KIAA1217: variants seen among roughly 807,000 people sequenced by gnomAD.
KIAA1217 encodes sickle tail protein homolog.
Under a neutral mutation model 163.9 loss-of-function variants are expected in KIAA1217, and 88 were observed. The ratio of observed to expected loss-of-function variants is 0.54; its 90% CI spans 0.45 to 0.64. The LOEUF (loss-of-function observed/expected upper bound fraction) is 0.64. Among genes scored for constraint, KIAA1217 ranks in the 30% least tolerant of loss-of-function variants. The pLI, the probability that KIAA1217 is intolerant of heterozygous loss-of-function variation, is 0.00. For missense variants in KIAA1217, 2,372 were observed against 2,475.0 expected, an observed-to-expected ratio of 0.96 and a Z score of 0.88; for synonymous variants, 903 against 923.1, an observed-to-expected ratio of 0.98 and a Z score of 0.39.
intron 2 of KIAA1217, among the ~76,000 whole-genome samples, chr10:24,294,070 T>G (rs2079409128): frequency 6.6e-6 from 1 of 151,030 alleles, no homozygotes; most frequent in African/African-American, 2.4e-5. Flanking sequence ...CAGGCGCCTG[T>G]AGTCCCAGCT....
At chr10:24,348,338 A>AAAAATGAAAT (rs112969361) in intron 2 of KIAA1217, among the ~76,000 whole-genome samples, 148 of 151,272 alleles carry the variant, frequency 9.8e-4, no homozygotes, top group African/African-American at 3.5e-3. Context: ...ACCCTGTCAC[A>AAAAATGAAAT]AAAATAAAAT....
At chr10:23,827,170 A>C (rs1013979295) in intron 1 of KIAA1217, among the ~76,000 whole-genome samples, 1 of 152,210 alleles carries the variant, frequency 6.6e-6, no homozygotes, top group Non-Finnish European at 1.5e-5. Flanking sequence ...GCTTTGAAAC[A>C]TCCTGCCACA....
At chr10:23,897,447 G>A (rs1388134220) in intron 1 of KIAA1217, among the ~76,000 whole-genome samples, 2 of 151,994 alleles carry the variant, frequency 1.3e-5, no homozygotes, top group South Asian at 2.1e-4. Context: ...GGCTTTGTTG[G>A]TGTTCACTGG....
At chr10:24,272,449 G>A (rs1328437947) in intron 2 of KIAA1217, among the ~76,000 whole-genome samples, 1 of 152,110 alleles carries the variant, frequency 6.6e-6, no homozygotes, top group Non-Finnish European at 1.5e-5. Flanking sequence ...CTTCTCAACT[G>A]AGCAATCTGT....
chr10:23,896,370 T>C (rs1841702650), intron 1 of KIAA1217, among the ~76,000 whole-genome samples: 2 of 152,082 alleles, frequency 1.3e-5, no homozygotes, highest in Non-Finnish European at 2.9e-5. Flanking sequence ...TCACACGCTG[T>C]CGAGAGTTCT....
intron 2 of KIAA1217, among the ~76,000 whole-genome samples, chr10:24,068,537 CTG>C (rs956950228): frequency 6.6e-6 from 1 of 152,142 alleles, no homozygotes; most frequent in African/African-American, 2.4e-5. Flanking sequence ...TTCCTTGACT[CTG>C]TTGATATCTA....
At chr10:23,704,061 C>CTATA (rs142999139) in intron 1 of KIAA1217, among the ~76,000 whole-genome samples, 10 of 144,040 alleles carry the variant, frequency 6.9e-5, no homozygotes, top group African/African-American at 2.1e-4. Context: ...ATACAATATA[C>CTATA]TATATATATA....
chr10:23,757,578 C>T (rs955330744), intron 1 of KIAA1217, among the ~76,000 whole-genome samples: 1 of 152,010 alleles, frequency 6.6e-6, no homozygotes, highest in Admixed American at 6.6e-5. Context: ...AGTGCAGTGG[C>T]GTGATCTCAG....
chr10:24,287,251 A>G (rs192909831), intron 2 of KIAA1217, among the ~76,000 whole-genome samples: 1 of 152,258 alleles, frequency 6.6e-6, no homozygotes, highest in East Asian at 1.9e-4. Flanking sequence ...GGGTTTCACC[A>G]TGTTGGTCAG....
intron 2 of KIAA1217, among the ~76,000 whole-genome samples, chr10:24,048,735 A>AT (rs1238076930): frequency 1.4e-4 from 20 of 146,828 alleles, no homozygotes; most frequent in African/African-American, 5.3e-4. Context: ...GTCTCAAAAA[A>AT]AAAAAAAAAT....
intron 1 of KIAA1217, among the ~76,000 whole-genome samples, chr10:23,975,040 C>T (rs988027340): frequency 6.6e-6 from 1 of 152,136 alleles, no homozygotes. Context: ...ACATTGCAGA[C>T]AGCATGCCTT....
chr10:23,898,806 T>C (rs537639657), intron 1 of KIAA1217, among the ~76,000 whole-genome samples: 2 of 152,240 alleles, frequency 1.3e-5, no homozygotes, highest in East Asian at 3.9e-4. Flanking sequence ...CTACTCTATA[T>C]ACATTTAAAG....
chr10:23,943,494 T>G (rs145354220), intron 1 of KIAA1217, among the ~76,000 whole-genome samples: 3 of 152,338 alleles, frequency 2.0e-5, no homozygotes, highest in South Asian at 2.1e-4. Flanking sequence ...TGAAGAGATA[T>G]ACCATGCCCC....
chr10:24,016,481 A>C (rs1252514036), intron 2 of KIAA1217, among the ~76,000 whole-genome samples: 1 of 152,176 alleles, frequency 6.6e-6, no homozygotes, highest in African/African-American at 2.4e-5. Flanking sequence ...ATAGTGTTCA[A>C]TGAAACTAAC....
At chr10:24,108,850 G>T (rs976451010) in intron 2 of KIAA1217, among the ~76,000 whole-genome samples, 1 of 152,094 alleles carries the variant, frequency 6.6e-6, no homozygotes, top group Admixed American at 6.6e-5. Flanking sequence ...GTTTTGTTTC[G>T]AGACTATGTT....
intron 1 of KIAA1217, among the ~76,000 whole-genome samples, chr10:24,213,154 A>G (rs2068368907): frequency 1.3e-5 from 2 of 152,254 alleles, no homozygotes; most frequent in African/African-American, 4.8e-5. Context: ...TACCAGGTAA[A>G]TAACAATGGG....
chr10:23,761,096 T>G (rs1194459853), intron 1 of KIAA1217, among the ~76,000 whole-genome samples: 2 of 151,674 alleles, frequency 1.3e-5, no homozygotes, highest in East Asian at 3.9e-4. Context: ...CAAAAAAAAA[T>G]TAAAATGAAA....
At chr10:24,222,064 T>G (rs997930689) in intron 2 of KIAA1217, among the ~76,000 whole-genome samples, 1 of 152,254 alleles carries the variant, frequency 6.6e-6, no homozygotes, top group East Asian at 1.9e-4. Flanking sequence ...AAAATAATGA[T>G]TATTGTTACT....
At chr10:24,402,146 T>C (rs1396424872) in intron 3 of KIAA1217, among the ~76,000 whole-genome samples, 1 of 152,182 alleles carries the variant, frequency 6.6e-6, no homozygotes, top group African/African-American at 2.4e-5. Flanking sequence ...TTAAAAATAT[T>C]CCTATAAAAA....
Sources: gnomAD v4.1 joint callset for allele counts (sites outside exome capture counted in the v4.1 genomes callset) on GRCh38, gnomAD v4.1.1 for gene constraint, MANE v1.5 for transcripts, NCBI Gene and HGNC (gene_info 2026-07-23, HGNC 2026-07-21) for gene names.